Variants in CCDC88A observed in about 807,000 individuals in gnomAD.
CCDC88A encodes coiled-coil and HOOK domain protein 88A.
Under a neutral mutation model 234.3 loss-of-function variants are expected in CCDC88A, and 54 were observed. That is an observed-to-expected ratio of 0.23 (90% CI 0.19 to 0.29). The LOEUF (loss-of-function observed/expected upper bound fraction) is 0.29, where lower values mean the gene tolerates loss of function less well. Among genes scored for constraint, CCDC88A ranks in the 10% least tolerant of loss-of-function variants. The pLI is 1.00. For synonymous variants in CCDC88A, 753 were observed against 737.8 expected (o/e 1.02, Z -0.33); for missense variants, 1,832 against 2,123.4 (o/e 0.86, Z 2.70).
intron 2 of CCDC88A, among the ~76,000 whole-genome samples, chr2:55,393,327 G>A (rs1213683098): frequency 9.6e-6 from 1 of 104,672 alleles, no homozygotes; most frequent in Non-Finnish European, 1.7e-5. Context: ...CAGAGTCCCA[G>A]TCTGCCAGGC....
chr2:55,389,234 C>T (rs1240178021), intron 2 of CCDC88A, among the ~76,000 whole-genome samples: 1 of 152,086 alleles, frequency 6.6e-6, no homozygotes, highest in Non-Finnish European at 1.5e-5. Context: ...AAAATATGGG[C>T]TAATAATAAC....
chr2:55,364,858 C>G (rs1671755486), intron 5 of CCDC88A, among the ~76,000 whole-genome samples: 2 of 152,118 alleles, frequency 1.3e-5, no homozygotes, highest in South Asian at 4.1e-4. Flanking sequence ...TCACTGTATT[C>G]TTACAGCTAA....
At chr2:55,321,443 C>T (rs1172172905) in intron 18 of CCDC88A, among the ~76,000 whole-genome samples, 3 of 151,056 alleles carry the variant, frequency 2.0e-5, no homozygotes, top group East Asian at 2.0e-4. Context: ...CCCAGCTACT[C>T]GGGAGGCTGA....
chr2:55,304,415 C>A (rs1457054419), intron 25 of CCDC88A, among the ~76,000 whole-genome samples: 1 of 151,994 alleles, frequency 6.6e-6, no homozygotes, highest in Non-Finnish European at 1.5e-5. Context: ...TTTAGCAGCA[C>A]CACTGAAATA....
chr2:55,374,327 C>T (rs1480769034), intron 4 of CCDC88A, among the ~76,000 whole-genome samples: 8 of 152,144 alleles, frequency 5.3e-5, no homozygotes, highest in Non-Finnish European at 8.8e-5. Flanking sequence ...AAGATCATGC[C>T]ATTGCACTCT....
intron 3 of CCDC88A, among the ~76,000 whole-genome samples, chr2:55,375,469 C>CTATATA (rs869279076): frequency 2.8e-3 from 74 of 26,480 alleles, no homozygotes; most frequent in East Asian, 0.012. Flanking sequence ...TGTCACTGTA[C>CTATATA]TATATATATA....
rs372665850 is a variant in CCDC88A at position 55,352,441 on chromosome 2, C to A, written c.801-2842G>T. Among the ~76,000 whole-genome samples, 559 of 146,372 alleles carry A rather than the reference C, an allele frequency of 3.8e-3. 3 individuals carry two copies. The highest frequency in any genetic ancestry group is 0.013 in the African/African-American group (493 of 37,494). On this transcript the variant is annotated intron_variant, in intron 8 of 32. Transcript: ENST00000436346. ...GACTCCATCTCAAAAAAAAAACACA[C>A]AAAAAAACACAAAAAAACAAGAAAT...
rs191971601 is a variant in CCDC88A at position 55,394,175 on chromosome 2, G to A, written c.165-5289C>T. 11 of 152,206 alleles carry A rather than the reference G, an allele frequency of 7.2e-5. No homozygotes were observed. In the East Asian group the frequency reaches 1.2e-3, roughly 16 times the overall value. 9.4% of individuals were successfully genotyped at this position (152,206 alleles called of 1,614,324 possible). On this transcript the variant is annotated intron_variant, in intron 2 of 32. Coordinates refer to ENST00000436346, the MANE Select transcript of CCDC88A (RefSeq NM_001365480.1). ...TTCCCACCTGTGAGTGAGAACATGC[G>A]GTGTTTGGTTTTTTGTCCTTGCGAG...
intron 15 of CCDC88A, among the ~76,000 whole-genome samples, chr2:55,333,065 T>G (rs1685106377): frequency 6.6e-6 from 1 of 152,164 alleles, no homozygotes; most frequent in African/African-American, 2.4e-5. Context: ...TCCCACAAGA[T>G]CCCTTCTCCC....
intron 14 of CCDC88A, 67 bp downstream of exon 14, chr2:55,336,610 GCATA>G: frequency 1.1e-6 from 1 of 932,308 alleles, no homozygotes; most frequent in African/African-American, 1.7e-5. Flanking sequence ...CATTTTGTTT[GCATA>G]TATTTTAAAT....
chr2:55,328,777 T>C lies in CCDC88A; in HGVS notation c.2856-342A>G, dbSNP rs1400682727. ...TGTTTTGTTTTGTTTTGTTTTGTTT[T>C]GTTTTGTTTTGAGATGGAGTTTTGC... On this transcript the variant is annotated intron_variant, in intron 16 of 32. Transcript: ENST00000436346. This position sits in a 1 kb window ranked among gnomAD's most constrained non-coding sequence, Gnocchi z 4.3. 1 of 165,040 alleles carries C rather than the reference T, an allele frequency of 6.1e-6. No individual in the cohort carries two copies. Among genetic ancestry groups the C allele is most frequent in the African/African-American group, 2.4e-5 (1 of 41,594 alleles). The allele number at this position is 165,040 out of a possible 1,614,324, so 10.2% of individuals were successfully genotyped here. A position where few individuals can be genotyped will look rare whatever the true frequency, so the allele number is the denominator to read the frequency against.
At chr2:55,371,258 T>A (rs1672807270) in intron 5 of CCDC88A, among the ~76,000 whole-genome samples, 1 of 152,190 alleles carries the variant, frequency 6.6e-6, no homozygotes, top group Non-Finnish European at 1.5e-5. Flanking sequence ...TAATATTTAA[T>A]CAATTGTGAA....
intron 2 of CCDC88A, among the ~76,000 whole-genome samples, chr2:55,406,320 T>G (rs1398339676): frequency 2.6e-5 from 4 of 152,220 alleles, no homozygotes; most frequent in African/African-American, 9.7e-5. Flanking sequence ...TTTTCCCTAA[T>G]TATTCAAGTT....
At chr2:55,339,442 T>TA in intron 13 of CCDC88A, 22 bp downstream of exon 13, 2 of 1,471,670 alleles carry the variant, frequency 1.4e-6, no homozygotes, top group Non-Finnish European at 1.8e-6. Flanking sequence ...AACATTAAAA[T>TA]AAACACTACA....
chr2:55,400,426 T>C (rs888503186), intron 2 of CCDC88A, among the ~76,000 whole-genome samples: 3 of 152,158 alleles, frequency 2.0e-5, no homozygotes, highest in Non-Finnish European at 2.9e-5. Context: ...GCAATATGGC[T>C]CAAATCTGTC....
chr2:55,416,433 TAAATAAATAA>T (rs368737792), intron 2 of CCDC88A, among the ~76,000 whole-genome samples: 805 of 27,916 alleles, frequency 0.029, 18 homozygotes, highest in East Asian at 0.053. Flanking sequence ...GTCAAATAAA[TAAATAAATAA>T]ATATATATAT....
intron 3 of CCDC88A, among the ~76,000 whole-genome samples, chr2:55,381,459 G>C (rs150192161): frequency 6.6e-6 from 1 of 151,554 alleles, no homozygotes; most frequent in African/African-American, 2.4e-5. Flanking sequence ...AGGCTGAGGT[G>C]GGGGGATGGC....
intron 2 of CCDC88A, among the ~76,000 whole-genome samples, chr2:55,408,103 G>C (rs985650035): frequency 1.3e-5 from 2 of 151,832 alleles, no homozygotes; most frequent in African/African-American, 4.8e-5. Context: ...AAGGAAGAAA[G>C]TTCCTTCTCC....
chr2:55,393,646 T>C (rs979558629), intron 2 of CCDC88A, among the ~76,000 whole-genome samples: 1 of 152,096 alleles, frequency 6.6e-6, no homozygotes, highest in African/African-American at 2.4e-5. Flanking sequence ...CTTTCAAAAC[T>C]TAGTTTACTC....
Sources: allele counts gnomAD v4.1 joint callset (sites outside exome capture counted in the v4.1 genomes callset), GRCh38; gene constraint gnomAD v4.1.1; non-coding constraint Gnocchi (gnomAD v3.1); transcripts MANE v1.5; gene names NCBI Gene and HGNC (gene_info 2026-07-23, HGNC 2026-07-21).